The following TSC22D1 variants were observed in gnomAD, a reference collection of about 807,000 sequenced individuals.
TSC22D1 encodes TSC22 domain family member 1.
In TSC22D1, 9 loss-of-function variants were observed where a neutral mutation model predicts 74.2. The ratio of observed to expected loss-of-function variants is 0.12; its 90% CI spans 0.07 to 0.21. The LOEUF is 0.21. TSC22D1 is among the 10% of genes least tolerant of loss of function. TSC22D1 has a pLI of 1.00. For synonymous variants in TSC22D1, 586 were observed against 492.5 expected (o/e 1.19, Z -2.51); for missense variants, 1,427 against 1,304.7 (o/e 1.09, Z -1.44).
chr13:44,455,264 C>T (rs985707568), intron 1 of TSC22D1, among the ~76,000 whole-genome samples: 3 of 152,172 alleles, frequency 2.0e-5, no homozygotes, highest in Admixed American at 1.3e-4. Flanking sequence ...CATGGAAGAA[C>T]TCTTCCAGCA....
At position 44,505,001 on chromosome 13, in the gene TSC22D1, G is replaced by A. The variant is rs192447185; in HGVS notation, c.2912+68162C>T. On this transcript the variant is annotated intron_variant, in intron 1 of 2. Coordinates refer to ENST00000458659, the MANE Select transcript of TSC22D1 (RefSeq NM_183422.4). ...ACTCTGGGATGCTTTCATTTAGAAG[G>A]TTATCTCCATTGCAGGCAAATTTTT... 1.3e-3 allele frequency among the ~76,000 whole-genome samples: 198 copies of A among 152,286 alleles called. 2 individuals are homozygous for A. The highest frequency in any genetic ancestry group is 4.6e-3 in the African/African-American group (193 of 41,554).
At chr13:44,441,464 T>TAAAAGGTAAATCC (rs1875199656) in intron 1 of TSC22D1, among the ~76,000 whole-genome samples, 1 of 152,210 alleles carries the variant, frequency 6.6e-6, no homozygotes, top group Non-Finnish European at 1.5e-5. Flanking sequence ...GGATTTACCT[T>TAAAAGGTAAATCC]TTAAAAGTTA....
At chr13:44,471,029 A>C (rs1566128405) in intron 1 of TSC22D1, among the ~76,000 whole-genome samples, 1 of 152,240 alleles carries the variant, frequency 6.6e-6, no homozygotes, top group Non-Finnish European at 1.5e-5. Context: ...CCATCAAAAA[A>C]GTTAAAATTT....
intron 1 of TSC22D1, among the ~76,000 whole-genome samples, chr13:44,468,287 G>A (rs1037413801): frequency 6.6e-6 from 1 of 150,664 alleles, no homozygotes; most frequent in African/African-American, 2.4e-5. Context: ...TACACTATTC[G>A]GGTGATGGGT....
chr13:44,536,779 C>A (rs9525976), intron 1 of TSC22D1: 1 of 984,312 alleles, frequency 1.0e-6, no homozygotes, highest in South Asian at 4.7e-5. Flanking sequence ...AAAATTGCAT[C>A]TAAAAAAGTC....
intron 1 of TSC22D1, among the ~76,000 whole-genome samples, chr13:44,504,137 GAA>G (rs749880595): frequency 5.0e-5 from 4 of 80,430 alleles, no homozygotes; most frequent in Admixed American, 1.2e-4. Context: ...ATGTACAAAT[GAA>G]AAAAAAAAAA....
At chr13:44,482,853 A>C (rs527542962) in intron 1 of TSC22D1, among the ~76,000 whole-genome samples, 4 of 152,218 alleles carry the variant, frequency 2.6e-5, no homozygotes, top group Non-Finnish European at 5.9e-5. Flanking sequence ...AATGATAGCA[A>C]CTAACATTTA....
chr13:44,523,139 C>T (rs139482221), intron 1 of TSC22D1, among the ~76,000 whole-genome samples: 3 of 151,946 alleles, frequency 2.0e-5, no homozygotes, highest in African/African-American at 7.2e-5. Context: ...GCTACAATCA[C>T]TGACAACACC....
At chr13:44,567,168 A>G (rs1013710826) in intron 1 of TSC22D1, among the ~76,000 whole-genome samples, 2 of 152,242 alleles carry the variant, frequency 1.3e-5, no homozygotes, top group African/African-American at 4.8e-5. Flanking sequence ...TTCATTCCAC[A>G]TCCCCCTCAC....
At chr13:44,538,145 G>A (rs1437311907) in intron 1 of TSC22D1, 1 of 985,126 alleles carries the variant, frequency 1.0e-6, no homozygotes, top group African/African-American at 1.7e-5. Flanking sequence ...GTAAACTACT[G>A]TTTTGTGACA....
At chr13:44,511,865 T>C (rs551191407) in intron 1 of TSC22D1, among the ~76,000 whole-genome samples, 1 of 152,294 alleles carries the variant, frequency 6.6e-6, no homozygotes, top group Non-Finnish European at 1.5e-5. Flanking sequence ...AGTGAAGAGC[T>C]TGGAGAGCAA....
chr13:44,497,127 A>C (rs1270083723), intron 1 of TSC22D1, among the ~76,000 whole-genome samples: 2 of 152,194 alleles, frequency 1.3e-5, no homozygotes, highest in Non-Finnish European at 2.9e-5. Context: ...GAGCTTTCAC[A>C]ATAGCCAAAA....
At position 44,550,246 on chromosome 13, in the gene TSC22D1, TA is replaced by T. The variant is rs1339771233; in HGVS notation, c.2912+22916del. Among the ~76,000 whole-genome samples the T allele has an allele frequency of 2.0e-5, 3 of 152,182 alleles. No homozygotes were observed. In the East Asian group the frequency reaches 5.8e-4, roughly 29 times the overall value. On this transcript the variant is annotated intron_variant, in intron 1 of 2. Transcript: ENST00000458659. ...TCTTAGTTTATGTCTTTGAAAGTGC[TA>T]ATATTACTAGAACTCAAGTTCTTTA...
At chr13:44,523,107 C>G (rs2138045501) in intron 1 of TSC22D1, among the ~76,000 whole-genome samples, 1 of 151,490 alleles carries the variant, frequency 6.6e-6, no homozygotes, top group South Asian at 2.1e-4. Flanking sequence ...ACAATGGATA[C>G]TACCACACCC....
chr13:44,576,109 G>T lies in TSC22D1; in HGVS notation c.-35C>A, dbSNP rs1439808341. On this transcript the variant is annotated 5_prime_UTR_variant, in exon 1 of 3. Transcript: ENST00000458659. Reference sequence around the variant, plus strand: ...TACCGGGGGCGCGGAGGAGACGAGTGCAATTTCCTTCTGCACCGTAATCTT... The same window carrying T: ...TACCGGGGGCGCGGAGGAGACGAGTTCAATTTCCTTCTGCACCGTAATCTT... 4.1e-6 allele frequency: 6 copies of T among 1,477,182 alleles called. No homozygotes were observed. In the African/African-American group the frequency reaches 8.4e-5, roughly 21 times the overall value. The allele number at this position is 1,477,182 out of a possible 1,614,324, so 91.5% of individuals were successfully genotyped here. A position where few individuals can be genotyped will look rare whatever the true frequency, so the allele number is the denominator to read the frequency against.
intron 1 of TSC22D1, among the ~76,000 whole-genome samples, chr13:44,488,926 T>C (rs191784558): frequency 6.6e-6 from 1 of 151,380 alleles, no homozygotes; most frequent in East Asian, 1.9e-4. Flanking sequence ...CCCAAAAGAG[T>C]TTTATGAGGA....
chr13:44,539,734 A>G, intron 1 of TSC22D1: 1 of 1,242,108 alleles, frequency 8.1e-7, no homozygotes. Context: ...CCAATCTATA[A>G]ATTAACCCAA....
chr13:44,497,464 C>T (rs1022914223), intron 1 of TSC22D1, among the ~76,000 whole-genome samples: 1 of 152,146 alleles, frequency 6.6e-6, no homozygotes, highest in Non-Finnish European at 1.5e-5. Context: ...GACAGTTACA[C>T]AACACTGTGG....
intron 1 of TSC22D1, among the ~76,000 whole-genome samples, chr13:44,569,059 A>G (rs1883570179): frequency 6.6e-6 from 1 of 152,250 alleles, no homozygotes; most frequent in African/African-American, 2.4e-5. Context: ...AGACAAAAAG[A>G]AATGAAAGGT....
Sources: allele counts gnomAD v4.1 joint callset (sites outside exome capture counted in the v4.1 genomes callset), GRCh38; gene constraint gnomAD v4.1.1; transcripts MANE v1.5; gene names NCBI Gene and HGNC (gene_info 2026-07-23, HGNC 2026-07-21).